The following DOCK5 variants were observed in gnomAD, a reference collection of about 807,000 sequenced individuals.
DOCK5 encodes dedicator of cytokinesis 5.
A neutral mutation model predicts 251.8 loss-of-function variants in DOCK5; 142 were observed. The observed-to-expected ratio is 0.56, with a 90% CI of 0.49 to 0.65. DOCK5 has a LOEUF of 0.65. DOCK5 is among the 30% of genes least tolerant of loss of function. The pLI is 0.00. For missense variants in DOCK5, 2,111 were observed against 2,312.3 expected, an observed-to-expected ratio of 0.91 and a Z score of 1.79; for synonymous variants, 842 against 835.5, an observed-to-expected ratio of 1.01 and a Z score of -0.13.
At chr8:25,353,120 T>G (rs561146473) in intron 27 of DOCK5, among the ~76,000 whole-genome samples, 1 of 152,278 alleles carries the variant, frequency 6.6e-6, no homozygotes, top group South Asian at 2.1e-4. Context: ...ACCCAATCTC[T>G]GAGCCGAGGA....
At chr8:25,332,147 C>T (rs1805696981) in intron 18 of DOCK5, 104 bp from the exon 19 acceptor site, 4 of 713,062 alleles carry the variant, frequency 5.6e-6, no homozygotes, top group Middle Eastern at 2.5e-4. Context: ...TTGAATTAGC[C>T]ACTATTGAGA....
At chr8:25,321,077 T>A in intron 16 of DOCK5, 25 bp downstream of exon 16, 1 of 1,603,142 alleles carries the variant, frequency 6.2e-7, no homozygotes, top group South Asian at 1.1e-5. Flanking sequence ...GTCTATGACA[T>A]ATTTCCACTT....
chr8:25,399,550 A>T (rs1294140001), intron 45 of DOCK5, among the ~76,000 whole-genome samples: 2 of 152,218 alleles, frequency 1.3e-5, no homozygotes, highest in Non-Finnish European at 2.9e-5. Flanking sequence ...TATGCACTTA[A>T]TTTAATGATT....
chr8:25,188,284 A>C lies in DOCK5; in HGVS notation c.43+3333A>C, dbSNP rs1256689045. On this transcript the variant is annotated intron_variant, in intron 1 of 51. Coordinates refer to ENST00000276440, the MANE Select transcript of DOCK5 (RefSeq NM_024940.8). ...CTGAGAAAACAAGGAAGCATGGAGC[A>C]GACAGACTTTCTTAAATATAGTTGG... Among the ~76,000 whole-genome samples, 3 of 152,256 alleles carry C rather than the reference A, an allele frequency of 2.0e-5. No individual in the cohort carries two copies. In the East Asian group the frequency reaches 5.8e-4, roughly 29 times the overall value.
chr8:25,363,293 C>T (rs2243745), intron 29 of DOCK5, among the ~76,000 whole-genome samples, 152 bp downstream of exon 29: 21 of 152,304 alleles, frequency 1.4e-4, no homozygotes, highest in Admixed American at 5.2e-4. Flanking sequence ...TTTATGTGCT[C>T]GTGATCTTGA....
intron 25 of DOCK5, among the ~76,000 whole-genome samples, chr8:25,343,965 C>G (rs1186719649): frequency 6.6e-6 from 1 of 152,138 alleles, no homozygotes; most frequent in Non-Finnish European, 1.5e-5. Flanking sequence ...ACCACCATGC[C>G]CAGCTAATTT....
At chr8:25,215,040 A>G (rs1248808481) in intron 1 of DOCK5, among the ~76,000 whole-genome samples, 1 of 152,198 alleles carries the variant, frequency 6.6e-6, no homozygotes, top group Non-Finnish European at 1.5e-5. Context: ...AGGGTGAGAC[A>G]TGATCTGTGA....
chr8:25,315,458 G>A (rs1013300627), intron 13 of DOCK5, among the ~76,000 whole-genome samples: 4 of 152,170 alleles, frequency 2.6e-5, no homozygotes, highest in Admixed American at 6.5e-5. Context: ...GTTGGGGCAA[G>A]GCTGGTGAGT....
At chr8:25,340,834 T>A in intron 22 of DOCK5, 43 bp from the exon 23 acceptor site, 1 of 1,533,312 alleles carries the variant, frequency 6.5e-7, no homozygotes, top group Non-Finnish European at 9.0e-7. Flanking sequence ...AAATTTCTTT[T>A]AACAATGGAA....
At chr8:25,224,229 C>T (rs1201324586) in intron 1 of DOCK5, among the ~76,000 whole-genome samples, 2 of 152,106 alleles carry the variant, frequency 1.3e-5, no homozygotes, top group East Asian at 3.9e-4. Flanking sequence ...AGTGATTTTC[C>T]CGCCTCAACT....
Position 25,382,611 on chromosome 8 carries a change from T to G in DOCK5, c.4027-63T>G, listed in dbSNP as rs902216094. ...GGGAAACAACAAAACAAAGTCTGAC[T>G]TTTTTTTTCCCCCAACTGTGTACTT... On this transcript the variant is annotated intron_variant, in intron 39 of 51. Coordinates refer to ENST00000276440, the MANE Select transcript of DOCK5 (RefSeq NM_024940.8). The G allele has an allele frequency of 4.0e-6, 5 of 1,238,502 alleles. No homozygotes were observed. In the East Asian group the frequency reaches 8.1e-5, roughly 20 times the overall value. The allele number at this position is 1,238,502 out of a possible 1,614,324, so 76.7% of individuals were successfully genotyped here.
chr8:25,341,047 C>G, intron 23 of DOCK5, 59 bp downstream of exon 23: 1 of 1,371,798 alleles, frequency 7.3e-7, no homozygotes, highest in Non-Finnish European at 1.0e-6. Flanking sequence ...TGTTCTGGGA[C>G]CGCTTAGAAT....
At chr8:25,203,522 G>A (rs1043992044) in intron 1 of DOCK5, among the ~76,000 whole-genome samples, 2 of 152,204 alleles carry the variant, frequency 1.3e-5, no homozygotes, top group East Asian at 1.9e-4. Context: ...TTTCCTGAAT[G>A]AGAAATGGGT....
intron 37 of DOCK5, 200 bp downstream of exon 37, chr8:25,374,854 A>G (rs1586374615): frequency 1.4e-6 from 2 of 1,407,792 alleles, no homozygotes; most frequent in East Asian, 5.6e-5. Flanking sequence ...TTTTATTTAA[A>G]AATCCTTAGA....
intron 15 of DOCK5, among the ~76,000 whole-genome samples, chr8:25,320,739 T>G (rs1805401158): frequency 6.6e-6 from 1 of 152,218 alleles, no homozygotes; most frequent in Non-Finnish European, 1.5e-5. Flanking sequence ...GTTTCTTACT[T>G]CAGAAAATGC....
rs1206989109 is a variant in DOCK5, at chr8:25,292,122, A to G, written c.420A>G (p.Glu140=). Residue 140 remains glutamate (E), a synonymous_variant, in exon 6 of 52, where the codon GAA becomes GAG. Coordinates refer to ENST00000276440, the MANE Select transcript of DOCK5 (RefSeq NM_024940.8). ...QILSGTLPKD[E]LAELKKKVTA... ...TGTCTGGGACGCTCCCCAAGGATGA[A>G]CTGGCAGAGCTCAAGAAGAAAGTCA... 1.3e-6 allele frequency: 2 copies of G among 1,588,266 alleles called. No individual in the cohort carries two copies. Among genetic ancestry groups the G allele is most frequent in the African/African-American group, 2.7e-5 (2 of 74,412 alleles).
intron 8 of DOCK5, chr8:25,299,533 G>A (rs1275058220): frequency 1.9e-5 from 3 of 153,986 alleles, no homozygotes; most frequent in Non-Finnish European, 4.3e-5. Context: ...GTAAACTGTG[G>A]GCTTTGGGTA....
chr8:25,392,982 A>G (rs1801287237), intron 44 of DOCK5, 100 bp downstream of exon 44: 4 of 1,039,554 alleles, frequency 3.8e-6, no homozygotes, highest in Non-Finnish European at 4.3e-6. Context: ...CAGCTTGGCC[A>G]GCCTCCTCTG....
intron 1 of DOCK5, among the ~76,000 whole-genome samples, chr8:25,230,160 A>G (rs924734670): frequency 2.0e-5 from 3 of 152,196 alleles, no homozygotes; most frequent in African/African-American, 7.2e-5. Flanking sequence ...CTTTATCTGT[A>G]AAACGAGGAC....
Sources: gnomAD v4.1 joint callset for allele counts (sites outside exome capture counted in the v4.1 genomes callset) on GRCh38, gnomAD v4.1.1 for gene constraint, MANE v1.5 for transcripts, NCBI Gene and HGNC (gene_info 2026-07-23, HGNC 2026-07-21) for gene names.